BTBD9: variants seen among roughly 807,000 people sequenced by gnomAD.
The protein encoded by BTBD9 is BTB/POZ domain-containing protein 9.
A neutral mutation model predicts 64.3 loss-of-function variants in BTBD9; 49 were observed. That is an observed-to-expected ratio of 0.76 (90% CI 0.61 to 0.97). The LOEUF is 0.97. Among genes scored for constraint, BTBD9 ranks in the 50% least tolerant of loss-of-function variants. BTBD9 has a pLI of 0.00. For missense variants in BTBD9, 598 were observed against 762.1 expected (o/e 0.78, Z 2.53); for synonymous variants, 260 against 274.7 (o/e 0.95, Z 0.53).
chr6:38,283,923 C>T (rs1015196351), intron 8 of BTBD9, among the ~76,000 whole-genome samples: 4 of 152,200 alleles, frequency 2.6e-5, no homozygotes, highest in Non-Finnish European at 5.9e-5. Context: ...AATTACTCAT[C>T]CCCATGAAAG....
chr6:38,599,703 T>C (rs148826728), intron 1 of BTBD9, among the ~76,000 whole-genome samples: 118 of 152,318 alleles, frequency 7.7e-4, no homozygotes, highest in African/African-American at 2.7e-3. Flanking sequence ...CACATCCAGA[T>C]CATTATTAGC....
At chr6:38,511,111 T>C (rs566546273) in intron 6 of BTBD9, among the ~76,000 whole-genome samples, 1 of 152,238 alleles carries the variant, frequency 6.6e-6, no homozygotes, top group African/African-American at 2.4e-5. Flanking sequence ...ATTTCTCAGC[T>C]CCTTTATGGG....
rs577285654 is a variant in BTBD9, at chr6:38,337,672, C to T, written c.1264+7312G>A. On this transcript the variant is annotated intron_variant, in intron 7 of 10. Transcript: ENST00000481247. ...TCCATACCTTGCCAATGTGACTGTC[C>T]GGCTACTTTGAATCAGATGGTAAGT... Among the ~76,000 whole-genome samples, 5 of 152,262 alleles carry T rather than the reference C, an allele frequency of 3.3e-5. No homozygotes were observed. The South Asian group carries it at 6.2e-4, about 19-fold the overall frequency.
chr6:38,543,911 C>A (rs1211723068), intron 6 of BTBD9, among the ~76,000 whole-genome samples: 1 of 150,442 alleles, frequency 6.6e-6, no homozygotes, highest in Non-Finnish European at 1.5e-5. Flanking sequence ...GAGCCGAGAT[C>A]GCGCCACTGC....
At chr6:38,369,542 C>G (rs1765333155) in intron 6 of BTBD9, among the ~76,000 whole-genome samples, 1 of 152,218 alleles carries the variant, frequency 6.6e-6, no homozygotes, top group African/African-American at 2.4e-5. Flanking sequence ...ACTTCAGCAC[C>G]TTTTCTTCCC....
intron 6 of BTBD9, among the ~76,000 whole-genome samples, chr6:38,385,423 C>T (rs552483474): frequency 6.6e-6 from 1 of 152,068 alleles, no homozygotes; most frequent in South Asian, 2.1e-4. Context: ...CTTCTGACCT[C>T]ATGTGATCCA....
chr6:38,284,092 C>T (rs1761624251), intron 8 of BTBD9, among the ~76,000 whole-genome samples: 1 of 152,152 alleles, frequency 6.6e-6, no homozygotes, highest in South Asian at 2.1e-4. Flanking sequence ...GAGGCAAATG[C>T]AGTTCCTGAC....
chr6:38,173,578 T>C lies in BTBD9; in HGVS notation c.*1407A>G, dbSNP rs1161482269. The C allele has an allele frequency of 6.6e-6, 1 of 152,226 alleles. No individual in the cohort carries two copies. The highest frequency in any genetic ancestry group is 2.4e-5 in the African/African-American group (1 of 41,438). 9.4% of individuals were successfully genotyped at this position (152,226 alleles called of 1,614,324 possible). ...CAAATCACTCAAAATCAAGTTAAAC[T>C]AGGAGGAAGCGGCTGACCCGTTGGC... On this transcript the variant is annotated 3_prime_UTR_variant, in exon 11 of 11. Coordinates refer to ENST00000481247, the MANE Select transcript of BTBD9 (RefSeq NM_001099272.2).
At chr6:38,560,839 T>C (rs1325237382) in intron 6 of BTBD9, among the ~76,000 whole-genome samples, 1 of 152,206 alleles carries the variant, frequency 6.6e-6, no homozygotes, top group Non-Finnish European at 1.5e-5. Context: ...AGCGTTTGGT[T>C]TTCTGCTACT....
intron 6 of BTBD9, among the ~76,000 whole-genome samples, chr6:38,420,766 G>C (rs561337620): frequency 6.6e-6 from 1 of 152,156 alleles, no homozygotes; most frequent in Admixed American, 6.5e-5. Flanking sequence ...CGAGGCAGGA[G>C]AATCACTTGA....
chr6:38,484,900 T>G (rs922000263), intron 6 of BTBD9, among the ~76,000 whole-genome samples: 5 of 152,182 alleles, frequency 3.3e-5, no homozygotes, highest in African/African-American at 7.2e-5. Flanking sequence ...GCTGTGACAA[T>G]TTCTTAAAGT....
intron 6 of BTBD9, among the ~76,000 whole-genome samples, chr6:38,487,051 C>T (rs867393625): frequency 6.6e-6 from 1 of 152,192 alleles, no homozygotes; most frequent in Non-Finnish European, 1.5e-5. Flanking sequence ...TGAGAGTTAA[C>T]TACTTGAATC....
chr6:38,590,926 G>C (rs1466253322), intron 4 of BTBD9, among the ~76,000 whole-genome samples: 1 of 151,898 alleles, frequency 6.6e-6, no homozygotes, highest in Non-Finnish European at 1.5e-5. Flanking sequence ...TTTTTCCATT[G>C]TATCCGTTCT....
intron 6 of BTBD9, among the ~76,000 whole-genome samples, chr6:38,485,537 T>C (rs898649185): frequency 3.3e-5 from 5 of 152,230 alleles, no homozygotes; most frequent in African/African-American, 1.2e-4. Context: ...TACAGCTCCA[T>C]CATAGCTCGT....
chr6:38,337,287 C>T (rs1208493415), intron 7 of BTBD9, among the ~76,000 whole-genome samples: 2 of 152,204 alleles, frequency 1.3e-5, no homozygotes, highest in African/African-American at 4.8e-5. Flanking sequence ...ATGCCAAAAA[C>T]CCTTAACAGC....
chr6:38,598,168 A>C, intron 1 of BTBD9, 47 bp from the exon 2 acceptor site: 2 of 1,424,554 alleles, frequency 1.4e-6, no homozygotes, highest in East Asian at 4.6e-5. Context: ...AGGGGAGTAC[A>C]CATAGAAAAT....
At chr6:38,520,168 T>G (rs1279300525) in intron 6 of BTBD9, among the ~76,000 whole-genome samples, 1 of 152,028 alleles carries the variant, frequency 6.6e-6, no homozygotes, top group Non-Finnish European at 1.5e-5. Flanking sequence ...TACACAAAAT[T>G]GTCGGCCAGG....
chr6:38,204,071 G>A (rs1284056475), intron 9 of BTBD9, among the ~76,000 whole-genome samples: 1 of 151,974 alleles, frequency 6.6e-6, no homozygotes, highest in Non-Finnish European at 1.5e-5. Flanking sequence ...AAAGATAACA[G>A]CAACTGTTGA....
At chr6:38,432,601 C>T (rs979795200) in intron 6 of BTBD9, among the ~76,000 whole-genome samples, 1 of 151,968 alleles carries the variant, frequency 6.6e-6, no homozygotes, top group Non-Finnish European at 1.5e-5. Context: ...ATAGATAACA[C>T]CACTATTGTA....
Sources: gnomAD v4.1 joint callset for allele counts (sites outside exome capture counted in the v4.1 genomes callset) on GRCh38, gnomAD v4.1.1 for gene constraint, MANE v1.5 for transcripts, NCBI Gene and HGNC (gene_info 2026-07-23, HGNC 2026-07-21) for gene names.